Variants in TNK2 observed in about 807,000 individuals in gnomAD.
TNK2 encodes tyrosine kinase non receptor 2.
In TNK2, 83 loss-of-function variants were observed where a neutral mutation model predicts 101.8. The observed-to-expected ratio is 0.82, with a 90% CI of 0.68 to 0.98. The LOEUF (loss-of-function observed/expected upper bound fraction) is 0.98, where lower values mean the gene tolerates loss of function less well. TNK2 is among the 50% of genes least tolerant of loss of function. The probability of loss-of-function intolerance (pLI) is 0.00; values close to 1 mark genes in which losing one functional copy is unlikely to be tolerated. For synonymous variants in TNK2, 804 were observed against 633.0 expected (o/e 1.27, Z -4.06); for missense variants, 1,665 against 1,483.2 (o/e 1.12, Z -2.01).
intron 9 of TNK2, chr3:195,876,865 C>T (rs1749693355): frequency 1.1e-5 from 4 of 355,324 alleles, no homozygotes; most frequent in Admixed American, 3.8e-5. Flanking sequence ...AGACACACGC[C>T]CCAAACACAG....
rs779514933 is a variant in TNK2 at position 195,883,316 on chromosome 3, A to C, written c.457-7T>G. 6.8e-6 allele frequency: 11 copies of C among 1,612,674 alleles called. No homozygotes were observed. Among genetic ancestry groups the C allele is most frequent in the Non-Finnish European group, 9.3e-6 (11 of 1,179,880 alleles). ...ACTTCACAGCCACACTCACCTGCCCAGAGCGGGATTTGCAAGGACTCAGGA... is the reference window on the plus strand; with the variant it reads ...ACTTCACAGCCACACTCACCTGCCCCGAGCGGGATTTGCAAGGACTCAGGA... On this transcript the variant is annotated splice_region_variant and splice_polypyrimidine_tract_variant and intron_variant, in intron 4 of 15. Coordinates refer to ENST00000672887, the MANE Select transcript of TNK2 (RefSeq NM_001382273.1).
Position 195,868,465 on chromosome 3 carries a change from G to A in TNK2, c.1833C>T (p.Ala611=). The change falls in exon 13 of 16, where the codon GCC becomes GCT. Residue 611 remains alanine, a synonymous_variant. Coordinates refer to ENST00000672887, the MANE Select transcript of TNK2 (RefSeq NM_001382273.1). ...APSLAQLAMD[A]CSLLDETPPQ... ...GCGGGGTCTCGTCCAGCAGGGAGCA[G>A]GCGTCCATGGCCAGCTGCGCCAGGG... is the stretch of plus-strand genomic sequence containing the variant. 1 of 1,556,688 alleles carries A rather than the reference G, an allele frequency of 6.4e-7. No individual in the cohort carries two copies. The highest frequency in any genetic ancestry group is 1.2e-5 in the South Asian group (1 of 86,080).
intron 10 of TNK2, among the ~76,000 whole-genome samples, chr3:195,870,664 CGG>C (rs1744493041): frequency 6.6e-6 from 1 of 152,244 alleles, no homozygotes; most frequent in African/African-American, 2.4e-5. Context: ...TGTCCTGCTC[CGG>C]ATCCACCCTC....
At chr3:195,893,844 T>G (rs1433758602) in intron 1 of TNK2, among the ~76,000 whole-genome samples, 1 of 152,192 alleles carries the variant, frequency 6.6e-6, no homozygotes, top group Non-Finnish European at 1.5e-5. Flanking sequence ...CTTTGGGGAC[T>G]CAGCATCCCA....
chr3:195,868,497 C>G lies in TNK2; in HGVS notation c.1801G>C (p.Ala601Pro). ...EPVVPALRPCAPSLAQLAMDA... is the reference protein window; with the variant it reads ...EPVVPALRPCPPSLAQLAMDA... ...ATGGCCAGCTGCGCCAGGGAGGGCG[C>G]GCAGGGCCGTAGGGCCGGGACCACG... The change falls in exon 13 of 16, where the codon GCG becomes CCG. Residue 601 changes from alanine to proline, a missense_variant. Ala to Pro is a conservative substitution (Grantham distance 27). Around this residue, in one of 3 missense-constraint regions of TNK2, gnomAD observed 1,136 missense variants for 894.9 expected, o/e 1.27. Transcript: ENST00000672887. 1 of 1,550,672 alleles carries G rather than the reference C, an allele frequency of 6.4e-7. No individual in the cohort carries two copies. Among genetic ancestry groups the G allele is most frequent in the Non-Finnish European group, 8.6e-7 (1 of 1,158,870 alleles).
intron 1 of TNK2, chr3:195,892,913 T>TG (rs937471516): frequency 4.0e-6 from 1 of 247,794 alleles, no homozygotes; most frequent in Non-Finnish European, 6.5e-6. Context: ...GCGGCAGGAA[T>TG]GGGGGGGACT....
intron 1 of TNK2, among the ~76,000 whole-genome samples, chr3:195,905,639 T>C (rs552590537): frequency 6.6e-6 from 1 of 151,520 alleles, no homozygotes; most frequent in East Asian, 1.9e-4. Flanking sequence ...GTAACAAAAA[T>C]TAACCCCAAA....
rs1408770766 is a variant in TNK2, at chr3:195,867,404, C to G, written c.2894G>C (p.Gly965Ala). 1 of 1,604,456 alleles carries G rather than the reference C, an allele frequency of 6.2e-7. No homozygotes were observed. Among genetic ancestry groups the G allele is most frequent in the Admixed American group, 1.7e-5 (1 of 59,400 alleles). Residue 965 changes from glycine to alanine, a missense_variant, in exon 13 of 16, where the codon GGC becomes GCC. Around this residue, in one of 3 missense-constraint regions of TNK2, gnomAD observed 1,136 missense variants for 894.9 expected, o/e 1.27. Coordinates refer to ENST00000672887, the MANE Select transcript of TNK2 (RefSeq NM_001382273.1). ...TGGCCGGCCCGCCTCTGGCCCATCG[C>G]CAGGGCAGCCCCTCTGTGGCAGCCG... Reference protein sequence around the residue: ...TARLPQRGCPGDGPEAGRPAD... With the variant: ...TARLPQRGCPADGPEAGRPAD...
intron 1 of TNK2, among the ~76,000 whole-genome samples, chr3:195,904,536 G>A (rs918903556): frequency 2.6e-5 from 4 of 152,136 alleles, no homozygotes; most frequent in Non-Finnish European, 4.4e-5. Context: ...TGAGAGAGGA[G>A]GGAATGGGAA....
chr3:195,884,184 T>C (rs1376251538), intron 4 of TNK2: 1 of 152,190 alleles, frequency 6.6e-6, no homozygotes, highest in Non-Finnish European at 1.5e-5. Flanking sequence ...ATCCAGAATT[T>C]GTATCTTAAC....
chr3:195,884,955 G>T lies in TNK2; in HGVS notation c.313C>A (p.Pro105Thr). The T allele has an allele frequency of 1.2e-6, 2 of 1,613,870 alleles. No individual in the cohort carries two copies. Among genetic ancestry groups the T allele is most frequent in the Non-Finnish European group, 8.5e-7 (1 of 1,179,870 alleles). The change falls in exon 4 of 16, where the codon CCT (proline) becomes ACT (threonine). Residue 105 changes from proline to threonine, a missense_variant. Around this residue, in one of 3 missense-constraint regions of TNK2, gnomAD observed 490 missense variants for 522.5 expected, o/e 0.94. Coordinates refer to ENST00000672887, the MANE Select transcript of TNK2 (RefSeq NM_001382273.1). ...QSTFRKTSPA[P>T]GGPAGEGPLQ... is the part of the protein sequence containing the mutation. Reference sequence around the variant, plus strand: ...GGCCCCTCCCCTGCTGGGCCCCCAGGGGCGGGCGAGGTCTTCCGGAAGGTG... The same window carrying T: ...GGCCCCTCCCCTGCTGGGCCCCCAGTGGCGGGCGAGGTCTTCCGGAAGGTG...
In TNK2 at chr3:195,885,208, AC is replaced by A; in HGVS notation, c.235-176del. 2 of 994,770 alleles carry A rather than the reference AC, an allele frequency of 2.0e-6. No individual in the cohort carries two copies. The highest frequency in any genetic ancestry group is 2.9e-6 in the Non-Finnish European group (2 of 693,994). 61.6% of individuals were successfully genotyped at this position (994,770 alleles called of 1,614,324 possible). On this transcript the variant is annotated intron_variant, in intron 3 of 15. Transcript: ENST00000672887. This position sits in a 1 kb window ranked among gnomAD's most constrained non-coding sequence, Gnocchi z 4.7. ...GAGGCCCACACTCCGTCCAGGGCAC[AC>A]CCCCAAACATGAACCCAAAGCCTGA...
Position 195,864,674 on chromosome 3 carries a change from G to A in TNK2, c.3162-487C>T, listed in dbSNP as rs545664957. On this transcript the variant is annotated intron_variant, in intron 15 of 15. Coordinates refer to ENST00000672887, the MANE Select transcript of TNK2 (RefSeq NM_001382273.1). ...AACCACCTGAGACAGTGACAGACAG[G>A]TGACAGCGAGTGCCTGCGTCCCAGA... Among the ~76,000 whole-genome samples, 107 of 139,126 alleles carry A rather than the reference G, an allele frequency of 7.7e-4. 4 individuals are homozygous for A. The highest frequency in any genetic ancestry group is 1.0e-3 in the Non-Finnish European group (66 of 63,396). The allele number at this position is 139,126 out of a possible 152,430, so 91.3% of individuals were successfully genotyped here.
At chr3:195,904,936 A>G (rs1032568832) in intron 1 of TNK2, among the ~76,000 whole-genome samples, 1 of 152,250 alleles carries the variant, frequency 6.6e-6, no homozygotes, top group Non-Finnish European at 1.5e-5. Flanking sequence ...CAAATTGATC[A>G]TAATCCCAAT....
chr3:195,870,519 G>C, intron 10 of TNK2: 1 of 715,620 alleles, frequency 1.4e-6, no homozygotes, highest in Admixed American at 3.0e-5. Flanking sequence ...AGCGGCCAGA[G>C]GGCAGACACT....
intron 1 of TNK2, chr3:195,895,240 C>T: frequency 6.5e-7 from 1 of 1,537,924 alleles, no homozygotes; most frequent in Non-Finnish European, 8.7e-7. Context: ...TAGCCTTCCC[C>T]ATTACCTGCG....
At chr3:195,899,848 T>G (rs1761025022) in intron 1 of TNK2, among the ~76,000 whole-genome samples, 1 of 151,232 alleles carries the variant, frequency 6.6e-6, no homozygotes, top group East Asian at 1.9e-4. Context: ...GGACTCAGTC[T>G]TTGTGAGGAA....
rs367967764 is a variant in TNK2 at position 195,867,528 on chromosome 3, C to A, written c.2770G>T (p.Val924Leu). ...TPAPAAPTAT[V>L]RPMPQAALDP... Reference sequence around the variant, plus strand: ...AAGGCAGCCTGGGGCATCGGCCGCACGGTGGCCGTGGGGGCGGCGGGGGCT... The same window carrying A: ...AAGGCAGCCTGGGGCATCGGCCGCAAGGTGGCCGTGGGGGCGGCGGGGGCT... Residue 924 changes from valine (V) to leucine (L), a missense_variant, in exon 13 of 16, where the codon GTG becomes TTG. Val to Leu is a conservative substitution (Grantham distance 32, BLOSUM62 1). This residue lies in a region of TNK2 where 1,136 missense variants were observed against 894.9 expected (regional missense o/e 1.27). Coordinates refer to ENST00000672887, the MANE Select transcript of TNK2 (RefSeq NM_001382273.1). 9.2e-7 allele frequency: 1 copy of A among 1,081,964 alleles called. No homozygotes were observed. Among genetic ancestry groups the A allele is most frequent in the Non-Finnish European group, 1.2e-6 (1 of 814,076 alleles). 67.0% of individuals were successfully genotyped at this position (1,081,964 alleles called of 1,614,324 possible).
chr3:195,872,538 C>T, intron 9 of TNK2, 68 bp from the exon 10 acceptor site: 1 of 1,478,432 alleles, frequency 6.8e-7, no homozygotes, highest in South Asian at 1.3e-5. Flanking sequence ...GGACCCTCCT[C>T]ACACCCTGGC....
Sources: gnomAD v4.1 joint callset for allele counts (sites outside exome capture counted in the v4.1 genomes callset) on GRCh38, gnomAD v4.1.1 for gene constraint, gnomAD v4.1.1 regional missense constraint, Gnocchi (gnomAD v3.1) non-coding constraint, MANE v1.5 for transcripts, NCBI Gene and HGNC (gene_info 2026-07-23, HGNC 2026-07-21) for gene names.